The following MYO3A variants were observed in gnomAD, a reference collection of about 807,000 sequenced individuals.
MYO3A encodes myosin IIIA.
In MYO3A, 180 loss-of-function variants were observed where a neutral mutation model predicts 192.7. The observed-to-expected ratio is 0.93, with a 90% confidence interval of 0.83 to 1.06. The LOEUF (loss-of-function observed/expected upper bound fraction) is 1.06. Ranked by LOEUF, MYO3A falls within the 50% of genes least tolerant of loss-of-function variation. The probability of loss-of-function intolerance (pLI) is 0.00; values close to 1 mark genes in which losing one functional copy is unlikely to be tolerated. For synonymous variants in MYO3A, 628 were observed against 645.3 expected, an observed-to-expected ratio of 0.97 and a Z score of 0.41; for missense variants, 1,896 against 1,905.0, an observed-to-expected ratio of 1.00 and a Z score of 0.09.
intron 2 of MYO3A, among the ~76,000 whole-genome samples, chr10:25,945,414 T>G (rs1836771301): frequency 1.3e-5 from 2 of 152,060 alleles, no homozygotes; most frequent in African/African-American, 4.8e-5. Flanking sequence ...GTGTCCTTTA[T>G]TTCTGATTTT....
chr10:26,067,258 T>C (rs1834911186), intron 11 of MYO3A, among the ~76,000 whole-genome samples, 184 bp downstream of exon 11: 1 of 152,224 alleles, frequency 6.6e-6, no homozygotes, highest in African/African-American at 2.4e-5. Flanking sequence ...TAGCTTCCTA[T>C]TATTTCACTT....
chr10:26,203,220 T>C (rs1347900049), intron 34 of MYO3A, 113 bp downstream of exon 34: 1 of 1,184,004 alleles, frequency 8.4e-7, no homozygotes, highest in African/African-American at 1.5e-5. Context: ...TACTGAATAT[T>C]GCATCTTTGG....
chr10:26,165,919 A>C, intron 26 of MYO3A, 148 bp from the exon 27 acceptor site: 1 of 766,694 alleles, frequency 1.3e-6, no homozygotes. Flanking sequence ...TCTACTCCGA[A>C]GTTGTTCTGA....
intron 10 of MYO3A, among the ~76,000 whole-genome samples, chr10:26,066,079 G>A (rs36041747): frequency 0.34 from 14,813 of 43,254 alleles, 4,430 homozygotes; most frequent in Middle Eastern, 0.62. Context: ...TCGAGATCGC[G>A]CCACTGCACT....
chr10:26,030,108 A>G (rs1202438969), intron 10 of MYO3A, among the ~76,000 whole-genome samples: 1 of 152,068 alleles, frequency 6.6e-6, no homozygotes, highest in Non-Finnish European at 1.5e-5. Context: ...AAGGGACCCC[A>G]CACTCAGCCC....
chr10:26,075,996 C>A (rs937712080), intron 14 of MYO3A, among the ~76,000 whole-genome samples: 4 of 151,292 alleles, frequency 2.6e-5, no homozygotes, highest in African/African-American at 9.8e-5. Flanking sequence ...GACTTATTTT[C>A]TTCTGGGTGG....
chr10:25,978,521 A>T lies in MYO3A; in HGVS notation c.304-17969A>T, dbSNP rs183508001. Among the ~76,000 whole-genome samples the T allele has an allele frequency of 1.6e-4, 24 of 152,208 alleles. 1 individual carries two copies. The highest frequency in any genetic ancestry group is 5.8e-4 in the African/African-American group (24 of 41,534). On this transcript the variant is annotated intron_variant, in intron 4 of 34. Transcript: ENST00000642920. ...AAAGACCTGCCCTCATGATTCAATT[A>T]CCTCCCACCAGGTCTCTTCCACAAC...
rs1310323401 is a variant in MYO3A, at chr10:26,183,085, G to A, written c.4438+6240G>A. Among the ~76,000 whole-genome samples, 4 of 152,262 alleles carry A rather than the reference G, an allele frequency of 2.6e-5. No homozygotes were observed. The South Asian group carries it at 8.3e-4, about 32-fold the overall frequency. ...TGGAGTGCCAAGATGTAGCGATAATGTGCAAGAGACAAGCGACAGTCCAGA... is the reference window on the plus strand; with the variant it reads ...TGGAGTGCCAAGATGTAGCGATAATATGCAAGAGACAAGCGACAGTCCAGA... On this transcript the variant is annotated intron_variant, in intron 31 of 34. Coordinates refer to ENST00000642920, the MANE Select transcript of MYO3A (RefSeq NM_017433.5).
At chr10:26,069,968 A>G (rs1588896785) in intron 12 of MYO3A, 143 bp from the exon 13 acceptor site, 1 of 637,386 alleles carries the variant, frequency 1.6e-6, no homozygotes, top group East Asian at 2.7e-5. Context: ...TATGTGTGTA[A>G]CATGTATGTA....
intron 11 of MYO3A, among the ~76,000 whole-genome samples, chr10:26,067,697 G>T (rs34879813): frequency 6.6e-6 from 1 of 151,922 alleles, no homozygotes; most frequent in African/African-American, 2.4e-5. Context: ...TGTGAAGGTA[G>T]AGATCCAAGC....
chr10:25,939,450 A>T (rs1397313908), intron 2 of MYO3A, among the ~76,000 whole-genome samples: 1 of 151,686 alleles, frequency 6.6e-6, no homozygotes, highest in Non-Finnish European at 1.5e-5. Flanking sequence ...GAGGCTATAT[A>T]TTTTCCTCTG....
chr10:25,942,794 T>A (rs957934272), intron 2 of MYO3A, among the ~76,000 whole-genome samples: 208 of 150,656 alleles, frequency 1.4e-3, no homozygotes, highest in African/African-American at 4.5e-3. Flanking sequence ...AATTGGGTTT[T>A]TTTTTTTTTA....
At chr10:26,048,026 C>G (rs1032239556) in intron 10 of MYO3A, among the ~76,000 whole-genome samples, 4 of 152,086 alleles carry the variant, frequency 2.6e-5, no homozygotes, top group Non-Finnish European at 4.4e-5. Context: ...AATCTATTGA[C>G]AGTACCTTAC....
chr10:26,032,444 G>A (rs928325438), intron 10 of MYO3A, among the ~76,000 whole-genome samples: 1 of 151,922 alleles, frequency 6.6e-6, no homozygotes, highest in African/African-American at 2.4e-5. Context: ...GTGAAACCCC[G>A]TCTCTACTAA....
chr10:26,096,268 C>T, intron 15 of MYO3A, 113 bp from the exon 16 acceptor site: 1 of 763,442 alleles, frequency 1.3e-6, no homozygotes, highest in South Asian at 1.7e-5. Flanking sequence ...ATGCAGTATT[C>T]AGAAAAGCCC....
At chr10:26,093,481 G>C (rs777513507) in intron 15 of MYO3A, among the ~76,000 whole-genome samples, 1 of 152,140 alleles carries the variant, frequency 6.6e-6, no homozygotes, top group African/African-American at 2.4e-5. Context: ...TAACAGAATA[G>C]GATGGGTTCT....
chr10:25,973,152 T>C (rs1838762686), intron 4 of MYO3A, among the ~76,000 whole-genome samples: 1 of 152,198 alleles, frequency 6.6e-6, no homozygotes, highest in African/African-American at 2.4e-5. Flanking sequence ...TCCTCTCTTA[T>C]TTCCTTGAGC....
chr10:25,972,875 G>A (rs928993409), intron 4 of MYO3A, among the ~76,000 whole-genome samples: 5 of 152,164 alleles, frequency 3.3e-5, no homozygotes, highest in Non-Finnish European at 7.3e-5. Flanking sequence ...CCTGGGGCAT[G>A]AATTGTTTCA....
At chr10:25,978,321 T>C (rs534931274) in intron 4 of MYO3A, among the ~76,000 whole-genome samples, 75 of 152,328 alleles carry the variant, frequency 4.9e-4, no homozygotes, top group African/African-American at 1.8e-3. Flanking sequence ...AAGGTTTAAT[T>C]GTACTTACAC....
Sources: allele counts gnomAD v4.1 joint callset (sites outside exome capture counted in the v4.1 genomes callset), GRCh38; gene constraint gnomAD v4.1.1; transcripts MANE v1.5; gene names NCBI Gene and HGNC (gene_info 2026-07-23, HGNC 2026-07-21).